Variants in MCM10 observed in about 807,000 individuals in gnomAD.
MCM10 encodes protein MCM10 homolog.
MCM10 carries 91 observed loss-of-function variants against 109.9 expected under a neutral mutation model. The observed-to-expected ratio is 0.83, with a 90% CI of 0.70 to 0.99. The LOEUF is 0.99. Among genes scored for constraint, MCM10 ranks in the 50% least tolerant of loss-of-function variants. MCM10 has a pLI of 0.00. For missense variants in MCM10, 1,077 were observed against 1,061.2 expected (o/e 1.01, Z -0.21); for synonymous variants, 380 against 387.2 (o/e 0.98, Z 0.22).
intron 13 of MCM10, among the ~76,000 whole-genome samples, chr10:13,194,144 G>A (rs1300267966): frequency 1.3e-5 from 2 of 152,086 alleles, no homozygotes; most frequent in African/African-American, 4.8e-5. Context: ...CAGGCAGATC[G>A]CCTGAGCCCA....
intron 5 of MCM10, among the ~76,000 whole-genome samples, chr10:13,173,394 A>G: frequency 6.6e-6 from 1 of 152,204 alleles, no homozygotes; most frequent in African/African-American, 2.4e-5. Flanking sequence ...GCCAGGTCGT[A>G]TCAAATCAAA....
At chr10:13,179,010 G>T (rs975678392) in intron 6 of MCM10, among the ~76,000 whole-genome samples, 1 of 152,150 alleles carries the variant, frequency 6.6e-6, no homozygotes, top group African/African-American at 2.4e-5. Context: ...ATTGTTCGTT[G>T]TTGGCATCTA....
At chr10:13,164,286 CCTGTAAAATGGTGAAAA>C in intron 2 of MCM10, 77 bp downstream of exon 2, 1 of 1,413,038 alleles carries the variant, frequency 7.1e-7, no homozygotes, top group Non-Finnish European at 9.6e-7. Flanking sequence ...ATTTATTCTA[CCTGTAAAATGGTGAAAA>C]TGCTCCCCAG....
intron 5 of MCM10, among the ~76,000 whole-genome samples, chr10:13,174,638 A>G (rs953033382): frequency 3.3e-5 from 5 of 152,212 alleles, no homozygotes; most frequent in African/African-American, 1.2e-4. Context: ...TTAGAAATGT[A>G]TTTCCTTAAA....
At position 13,182,864 on chromosome 10, in the gene MCM10, C is replaced by A; in HGVS notation, c.931-69C>A. Reference sequence around the variant, plus strand: ...AGGCATATAGTTTTCCATAGTAAAACTCTTGAATCATAAATGAGGACGGCA... The same window carrying A: ...AGGCATATAGTTTTCCATAGTAAAAATCTTGAATCATAAATGAGGACGGCA... On this transcript the variant is annotated intron_variant, in intron 7 of 19. Coordinates refer to ENST00000378714, the MANE Select transcript of MCM10 (RefSeq NM_018518.5). This position sits in a 1 kb window ranked among gnomAD's most constrained non-coding sequence, Gnocchi z 4.2. 1 of 1,286,562 alleles carries A rather than the reference C, an allele frequency of 7.8e-7. No individual in the cohort carries two copies. The highest frequency in any genetic ancestry group is 1.1e-6 in the Non-Finnish European group (1 of 924,566). The allele number at this position is 1,286,562 out of a possible 1,614,324, so 79.7% of individuals were successfully genotyped here. A position where few individuals can be genotyped will look rare whatever the true frequency, so the allele number is the denominator to read the frequency against.
At chr10:13,184,903 T>G (rs960968353) in intron 8 of MCM10, among the ~76,000 whole-genome samples, 11 of 152,152 alleles carry the variant, frequency 7.2e-5, no homozygotes, top group African/African-American at 2.7e-4. Context: ...GTGGGAGGGC[T>G]CTAAACACCT....
chr10:13,171,200 A>G lies in MCM10; in HGVS notation c.286A>G (p.Thr96Ala), dbSNP rs2131558262. 1.2e-6 allele frequency: 2 copies of G among 1,614,196 alleles called. No individual in the cohort carries two copies. The highest frequency in any genetic ancestry group is 8.5e-7 in the Non-Finnish European group (1 of 1,180,028). ...DEEEVPASQS[T>A]ENRVLPAPAP... ...AGAAGAAGTTCCCGCATCACAGTCAACTGAAAATAGGGTCCTCCCTGCTCC... is the reference window on the plus strand; with the variant it reads ...AGAAGAAGTTCCCGCATCACAGTCAGCTGAAAATAGGGTCCTCCCTGCTCC... The change falls in exon 3 of 20, where the codon ACT becomes GCT. Residue 96 changes from threonine to alanine, a missense_variant. Coordinates refer to ENST00000378714, the MANE Select transcript of MCM10 (RefSeq NM_018518.5).
chr10:13,180,034 G>A (rs1025046183), intron 6 of MCM10, among the ~76,000 whole-genome samples: 3 of 152,072 alleles, frequency 2.0e-5, no homozygotes, highest in Non-Finnish European at 4.4e-5. Flanking sequence ...CGAGCAGATC[G>A]CTTGAGGCCA....
intron 17 of MCM10, among the ~76,000 whole-genome samples, chr10:13,202,203 A>G (rs1275386511): frequency 1.3e-5 from 2 of 152,104 alleles, no homozygotes; most frequent in African/African-American, 2.4e-5. Context: ...AACAAAAAAT[A>G]AAAAATTAGC....
At chr10:13,173,441 T>C (rs918138496) in intron 5 of MCM10, among the ~76,000 whole-genome samples, 4 of 152,182 alleles carry the variant, frequency 2.6e-5, no homozygotes. Context: ...TTGCCACTAG[T>C]AGAGGATGGT....
chr10:13,191,487 C>A, intron 11 of MCM10, 88 bp downstream of exon 11: 1 of 1,025,388 alleles, frequency 9.8e-7, no homozygotes, highest in Non-Finnish European at 1.5e-6. Flanking sequence ...GTACAGGGTA[C>A]ACTGCTCCGG....
intron 2 of MCM10, among the ~76,000 whole-genome samples, chr10:13,169,838 T>C (rs1363586600): frequency 6.6e-6 from 1 of 152,172 alleles, no homozygotes; most frequent in African/African-American, 2.4e-5. Context: ...CCTGAATAGC[T>C]GGGATTACAG....
chr10:13,205,644 T>C (rs1273551162), intron 18 of MCM10, among the ~76,000 whole-genome samples: 1 of 152,234 alleles, frequency 6.6e-6, no homozygotes, highest in Non-Finnish European at 1.5e-5. Flanking sequence ...TTCCCACCAG[T>C]GTGAGCATTC....
At chr10:13,195,802 C>T (rs1373800913) in intron 14 of MCM10, among the ~76,000 whole-genome samples, 1 of 151,712 alleles carries the variant, frequency 6.6e-6, no homozygotes, top group Non-Finnish European at 1.5e-5. Flanking sequence ...ATGGTTTCAC[C>T]ATGTTGGCCA....
intron 9 of MCM10, among the ~76,000 whole-genome samples, chr10:13,187,244 G>A (rs1834286871): frequency 6.6e-6 from 1 of 152,118 alleles, no homozygotes; most frequent in Admixed American, 6.5e-5. Flanking sequence ...GGCCTTTTCT[G>A]TCTGGCTTCT....
chr10:13,167,763 A>G (rs1367833802), intron 2 of MCM10, among the ~76,000 whole-genome samples: 6 of 152,240 alleles, frequency 3.9e-5, no homozygotes, highest in South Asian at 4.1e-4. Context: ...ATCAACAAGT[A>G]TTTGTTGCAT....
At chr10:13,185,712 C>T (rs575573809) in intron 8 of MCM10, among the ~76,000 whole-genome samples, 1 of 152,316 alleles carries the variant, frequency 6.6e-6, no homozygotes, top group Non-Finnish European at 1.5e-5. Context: ...TTCTGCATCC[C>T]TGTTCCTAAA....
chr10:13,177,508 C>CTTTTTTTTTTTTTTTTTTTTTTTTTTT (rs60316855), intron 6 of MCM10, among the ~76,000 whole-genome samples: 3 of 105,266 alleles, frequency 2.8e-5, no homozygotes, highest in Non-Finnish European at 3.6e-5. Flanking sequence ...GATTTTGGAG[C>CTTTTTTTTTTTTTTTTTTTTTTTTTTT]TTTTTTTTTT....
intron 3 of MCM10, among the ~76,000 whole-genome samples, chr10:13,171,722 CATTT>C (rs1834076100): frequency 1.3e-5 from 2 of 151,942 alleles, no homozygotes; most frequent in South Asian, 4.2e-4. Flanking sequence ...CAGAAGCCAG[CATTT>C]ATTATATTAG....
Sources: allele counts gnomAD v4.1 joint callset (sites outside exome capture counted in the v4.1 genomes callset), GRCh38; gene constraint gnomAD v4.1.1; non-coding constraint Gnocchi (gnomAD v3.1); transcripts MANE v1.5; gene names NCBI Gene and HGNC (gene_info 2026-07-23, HGNC 2026-07-21).